FER: variants seen among roughly 807,000 people sequenced by gnomAD.
FER encodes the protein tyrosine-protein kinase Fer.
FER carries 63 observed loss-of-function variants against 111.0 expected under a neutral mutation model. The observed-to-expected ratio is 0.57, with a 90% CI of 0.46 to 0.70. The LOEUF is 0.70. FER is among the 30% of genes least tolerant of loss of function. The pLI is 0.00. For missense variants in FER, 914 were observed against 954.0 expected (o/e 0.96, Z 0.55); for synonymous variants, 327 against 313.9 (o/e 1.04, Z -0.44).
chr5:109,185,617 C>CTGAATATTTAT (rs1562006079), intron 18 of FER, among the ~76,000 whole-genome samples: 1 of 151,894 alleles, frequency 6.6e-6, no homozygotes, highest in African/African-American at 2.4e-5. Flanking sequence ...TGCACACTGG[C>CTGAATATTTAT]TGAATATTTA....
intron 16 of FER, among the ~76,000 whole-genome samples, chr5:109,086,693 A>G (rs551063200): frequency 2.6e-5 from 4 of 151,650 alleles, no homozygotes; most frequent in South Asian, 2.1e-4. Flanking sequence ...GCTATATACA[A>G]TAAATTCTGA....
In FER at chr5:108,822,032, C is replaced by T. The variant is rs113949889; in HGVS notation, c.208-10738C>T. Among the ~76,000 whole-genome samples, 696 of 152,280 alleles carry T rather than the reference C, an allele frequency of 4.6e-3. 9 individuals carry two copies. Among genetic ancestry groups the T allele is most frequent in the African/African-American group, 0.016 (661 of 41,566 alleles). ...TTCTTCACCCCTATCCCCTGGCAAT[C>T]ATCATTCTATTCTCTTTTTCTGAAT... On this transcript the variant is annotated intron_variant, in intron 3 of 19. Transcript: ENST00000281092.
At chr5:108,830,259 G>A (rs1311411370) in intron 3 of FER, among the ~76,000 whole-genome samples, 1 of 152,144 alleles carries the variant, frequency 6.6e-6, no homozygotes, top group Non-Finnish European at 1.5e-5. Context: ...TTCCAGACCA[G>A]CCTGGGCAAA....
At chr5:108,870,996 C>T (rs1764544587) in intron 6 of FER, among the ~76,000 whole-genome samples, 1 of 152,028 alleles carries the variant, frequency 6.6e-6, no homozygotes, top group Non-Finnish European at 1.5e-5. Context: ...TGGAAAGGAA[C>T]ATTAAAGAGT....
At chr5:108,974,657 G>C (rs1462171090) in intron 13 of FER, among the ~76,000 whole-genome samples, 1 of 152,184 alleles carries the variant, frequency 6.6e-6, no homozygotes, top group Non-Finnish European at 1.5e-5. Context: ...GATAGTTCTG[G>C]ATTATCCACA....
chr5:109,128,236 T>C (rs1360925995), intron 17 of FER, among the ~76,000 whole-genome samples: 3 of 152,152 alleles, frequency 2.0e-5, no homozygotes, highest in African/African-American at 7.2e-5. Flanking sequence ...CAAGTTTTTT[T>C]TTTTTAATGA....
At chr5:108,834,343 C>G (rs1760375826) in intron 4 of FER, among the ~76,000 whole-genome samples, 1 of 152,102 alleles carries the variant, frequency 6.6e-6, no homozygotes. Flanking sequence ...GTTGATTTAT[C>G]TTTTTATTAT....
intron 13 of FER, among the ~76,000 whole-genome samples, chr5:108,963,193 T>C (rs929975785): frequency 6.6e-6 from 1 of 152,218 alleles, no homozygotes; most frequent in Admixed American, 6.5e-5. Flanking sequence ...TTAAGTTTAA[T>C]ATTTCTTCAT....
chr5:109,135,746 C>G (rs1444077445), intron 17 of FER, among the ~76,000 whole-genome samples: 1 of 152,142 alleles, frequency 6.6e-6, no homozygotes, highest in Admixed American at 6.6e-5. Flanking sequence ...ATTCCTTACC[C>G]TTTGACCTTA....
intron 16 of FER, among the ~76,000 whole-genome samples, chr5:109,065,176 A>T (rs1774932346): frequency 1.3e-5 from 2 of 152,202 alleles, no homozygotes; most frequent in Non-Finnish European, 1.5e-5. Context: ...TTTTCATTTT[A>T]TCAGAATTGT....
At chr5:109,159,977 T>C (rs1221323201) in intron 17 of FER, among the ~76,000 whole-genome samples, 1 of 151,074 alleles carries the variant, frequency 6.6e-6, no homozygotes, top group Non-Finnish European at 1.5e-5. Flanking sequence ...CTACATTTGG[T>C]GGGGGTGGGG....
At chr5:109,079,086 T>C (rs141944087) in intron 16 of FER, among the ~76,000 whole-genome samples, 1 of 152,236 alleles carries the variant, frequency 6.6e-6, no homozygotes, top group East Asian at 1.9e-4. Flanking sequence ...CATTTAAAGA[T>C]GAATTTGTAT....
intron 13 of FER, among the ~76,000 whole-genome samples, chr5:108,969,516 A>G (rs1442358844): frequency 2.0e-5 from 3 of 152,184 alleles, no homozygotes; most frequent in Admixed American, 6.5e-5. Context: ...AAATAATACA[A>G]TAAACAATAA....
At chr5:108,833,076 G>A in intron 4 of FER, 133 bp downstream of exon 4, 1 of 665,092 alleles carries the variant, frequency 1.5e-6, no homozygotes, top group Admixed American at 3.3e-5. Context: ...TCTCTAATAA[G>A]TAATATCTTA....
At chr5:108,996,173 A>G (rs1763955453) in intron 13 of FER, among the ~76,000 whole-genome samples, 1 of 152,172 alleles carries the variant, frequency 6.6e-6, no homozygotes, top group South Asian at 2.1e-4. Flanking sequence ...CCTTTGTCAG[A>G]TGGAGAGATT....
chr5:108,877,439 CTG>C (rs1765201410), intron 8 of FER, among the ~76,000 whole-genome samples: 1 of 152,288 alleles, frequency 6.6e-6, no homozygotes, highest in East Asian at 1.9e-4. Context: ...TAGGAGGTGA[CTG>C]TATTTAACAG....
At chr5:109,103,025 G>T (rs1049308346) in intron 17 of FER, among the ~76,000 whole-genome samples, 1 of 151,842 alleles carries the variant, frequency 6.6e-6, no homozygotes, top group African/African-American at 2.4e-5. Flanking sequence ...AAAAATATAG[G>T]ATTTACTACA....
At chr5:109,142,183 A>G (rs1462683832) in intron 17 of FER, among the ~76,000 whole-genome samples, 1 of 152,320 alleles carries the variant, frequency 6.6e-6, no homozygotes, top group Admixed American at 6.5e-5. Context: ...AAACCTGTTC[A>G]TGTTCTATTA....
At chr5:108,832,190 A>G (rs1760114191) in intron 3 of FER, among the ~76,000 whole-genome samples, 1 of 142,736 alleles carries the variant, frequency 7.0e-6, no homozygotes, top group Admixed American at 6.9e-5. Flanking sequence ...AATCCATACA[A>G]TACCAGTATT....
Sources: allele counts gnomAD v4.1 joint callset (sites outside exome capture counted in the v4.1 genomes callset), GRCh38; gene constraint gnomAD v4.1.1; transcripts MANE v1.5; gene names NCBI Gene and HGNC (gene_info 2026-07-23, HGNC 2026-07-21).